CDHR4: variants seen among roughly 807,000 people sequenced by gnomAD.
The protein encoded by CDHR4 is cadherin related family member 4, also known as cadherin-related family member 4.
In CDHR4, 89 loss-of-function variants were observed where a neutral mutation model predicts 88.4. The ratio of observed to expected loss-of-function variants is 1.01; its 90% CI spans 0.85 to 1.20. CDHR4 has a LOEUF of 1.20. Among genes scored for constraint, CDHR4 ranks in the 50% most tolerant of loss-of-function variants. The probability of loss-of-function intolerance (pLI) is 0.00; values close to 1 mark genes in which losing one functional copy is unlikely to be tolerated. For missense variants in CDHR4, 914 were observed against 1,007.2 expected (o/e 0.91, Z 1.25); for synonymous variants, 368 against 399.2 (o/e 0.92, Z 0.93).
intron 10 of CDHR4, among the ~76,000 whole-genome samples, chr3:49,794,323 G>A (rs1048840227): frequency 1.4e-4 from 22 of 152,038 alleles, no homozygotes; most frequent in African/African-American, 3.4e-4. Context: ...GCGTGAACCC[G>A]GGAGGCAGAG....
At chr3:49,791,663 T>TAC (rs2081181751) in intron 17 of CDHR4, 51 bp downstream of exon 17, 5 of 1,540,034 alleles carry the variant, frequency 3.2e-6, no homozygotes, top group Non-Finnish European at 4.4e-6. Context: ...GGCAGGGGAG[T>TAC]ACTCTGAAGC....
At chr3:49,802,655 A>G (rs1444605204), upstream of CDHR4, among the ~76,000 whole-genome samples, 4 of 152,200 alleles carry the variant, frequency 2.6e-5, no homozygotes, top group African/African-American at 9.6e-5. Flanking sequence ...ACCGACCCTC[A>G]GTCTGCACCT....
chr3:49,796,937 T>C lies in CDHR4; in HGVS notation c.591A>G (p.Leu197=). The C allele has an allele frequency of 6.4e-7, 1 of 1,551,516 alleles. No homozygotes were observed. ...TCATGCTCACCTTTTGAGCCTGGCC[T>C]AGGAGGCCCTGGGATGGTGCCTGCA... ...GWLQAPSQGL[L]GQAQKVFQLQ... The change falls in exon 5 of 19, where the codon CTA becomes CTG. Residue 197 remains leucine, a synonymous_variant. Transcript: ENST00000412678.
Position 49,795,078 on chromosome 3 carries a change from G to A in CDHR4, c.1054C>T (p.Pro352Ser). ...LLVSQIPETA[P>S]VGTVLNTLTC... ...AGAGTATTCAGCACGGTGCCCACGG[G>A]TGCAGTCTCCGGGATTTGGGACCTG... The change falls in exon 9 of 19, where the codon CCC (proline) becomes TCC (serine). Residue 352 changes from proline (P) to serine (S), a missense_variant. By Grantham distance (74) the Pro-to-Ser change is moderately conservative. Coordinates refer to ENST00000412678, the MANE Select transcript of CDHR4 (RefSeq NM_001007540.4). The surrounding 1 kb of genome is among the most constrained non-coding windows in gnomAD (Gnocchi z 5.4). 1 of 1,551,702 alleles carries A rather than the reference G, an allele frequency of 6.4e-7. No homozygotes were observed. The highest frequency in any genetic ancestry group is 1.2e-5 in the South Asian group (1 of 84,058).
Position 49,793,228 on chromosome 3 carries a change from C to G in CDHR4, c.1707G>C (p.Val569=). 3 of 1,551,658 alleles carry G rather than the reference C, an allele frequency of 1.9e-6. No individual in the cohort carries two copies. Residue 569 remains valine (V), a synonymous_variant, in exon 13 of 19, where the codon GTG becomes GTC. Coordinates refer to ENST00000412678, the MANE Select transcript of CDHR4 (RefSeq NM_001007540.4). ...IYAPLGRSVE[V]TKMSCQIPQE... ...GAGGGATCTGGCATGACATCTTGGT[C>G]ACCTCCACGCTACGGCCCAGAGGAG...
chr3:49,795,670 T>C lies in CDHR4; in HGVS notation c.805A>G (p.Ile269Val). Residue 269 changes from isoleucine to valine, a missense_variant, in exon 7 of 19, where the codon ATC becomes GTC. Physicochemically the swap from Ile to Val is conservative, Grantham distance 29. Coordinates refer to ENST00000412678, the MANE Select transcript of CDHR4 (RefSeq NM_001007540.4). The surrounding 1 kb of genome is among the most constrained non-coding windows in gnomAD (Gnocchi z 5.4). ...QARGVDLRYEILSPVPSPLFS... is the reference protein window; with the variant it reads ...QARGVDLRYEVLSPVPSPLFS... ...AGTGGGCTGGGCACCGGAGACAGGA[T>C]TTCATAGCGCAGGTCGACACCCCGG... 6.4e-7 allele frequency: 1 copy of C among 1,551,432 alleles called. No homozygotes were observed. Among genetic ancestry groups the C allele is most frequent in the Non-Finnish European group, 8.7e-7 (1 of 1,146,926 alleles).
chr3:49,793,958 G>A lies in CDHR4; in HGVS notation c.1328C>T (p.Pro443Leu). 5.2e-6 allele frequency: 8 copies of A among 1,551,774 alleles called. No individual in the cohort carries two copies. The highest frequency in any genetic ancestry group is 2.4e-5 in the South Asian group (2 of 84,066). Residue 443 changes from proline (P) to leucine (L), a missense_variant, in exon 11 of 19, where the codon CCA becomes CTA. By Grantham distance (98) the Pro-to-Leu change is moderately conservative (BLOSUM62 -3). Transcript: ENST00000412678. The stretch of plus-strand genomic sequence containing the variant: ...CCGGAACGTGCGAGGGGCACAGGCT[G>A]GGGAGAACTCGTTGATGGGTGTCAC... ...VMVTPINEFS[P>L]ACAPRTFRVQ...
intron 18 of CDHR4, 38 bp downstream of exon 18, chr3:49,791,403 G>T: frequency 4.6e-6 from 7 of 1,532,732 alleles, no homozygotes; most frequent in Non-Finnish European, 6.1e-6. Flanking sequence ...TGGGGTGAGG[G>T]CCCAGGCAGA....
chr3:49,791,478 GAAAA>G lies in CDHR4; in HGVS notation c.2284-14_2284-11del. On this transcript the variant is annotated splice_polypyrimidine_tract_variant and intron_variant, in intron 17 of 18. Coordinates refer to ENST00000412678, the MANE Select transcript of CDHR4 (RefSeq NM_001007540.4). Reference sequence around the variant, plus strand: ...CTCTGCCATCAAAATGCTGCTGAGGGAAAAAAAAAAAAGATGCAATGAATTGAAC... The same window carrying G: ...CTCTGCCATCAAAATGCTGCTGAGGGAAAAAAAAGATGCAATGAATTGAAC... 4 of 1,322,836 alleles carry G rather than the reference GAAAA, an allele frequency of 3.0e-6. No homozygotes were observed. The highest frequency in any genetic ancestry group is 4.1e-6 in the Non-Finnish European group (4 of 965,362). The allele number at this position is 1,322,836 out of a possible 1,614,324, so 81.9% of individuals were successfully genotyped here.
intron 5 of CDHR4, 105 bp downstream of exon 5, chr3:49,796,817 T>G: frequency 1.2e-6 from 1 of 805,882 alleles, no homozygotes. Context: ...TCTGAGAGAG[T>G]CAGTATTAGT....
chr3:49,793,736 C>G lies in CDHR4; in HGVS notation c.1484-14G>C, dbSNP rs767187095. Reference sequence around the variant, plus strand: ...GGTGAACTTCCCCTAGAGGGGGAGACCACAGCTTCAGCCTGCAGGGCCAAC... The same window carrying G: ...GGTGAACTTCCCCTAGAGGGGGAGAGCACAGCTTCAGCCTGCAGGGCCAAC... On this transcript the variant is annotated splice_polypyrimidine_tract_variant and intron_variant, in intron 11 of 18. Transcript: ENST00000412678. The G allele has an allele frequency of 6.4e-6, 10 of 1,551,648 alleles. No homozygotes were observed. In the South Asian group the frequency reaches 1.1e-4, roughly 17 times the overall value.
chr3:49,799,402 C>G lies in CDHR4; in HGVS notation c.85G>C (p.Glu29Gln). The G allele has an allele frequency of 6.2e-7, 1 of 1,607,908 alleles. No individual in the cohort carries two copies. Among genetic ancestry groups the G allele is most frequent in the South Asian group, 1.1e-5 (1 of 90,028 alleles). ...AGGACTGTGCCAGGGCCCTGGCTCT[C>G]AGAGACATTTATAAAGCAGGGCAGG... ...CSLPCFINVS[E>Q]SQGPGTVLQF... is the part of the protein sequence containing the mutation. Residue 29 changes from glutamate (E) to glutamine (Q), a missense_variant, in exon 2 of 19, where the codon GAG becomes CAG. Physicochemically the swap from Glu to Gln is conservative, Grantham distance 29. Coordinates refer to ENST00000412678, the MANE Select transcript of CDHR4 (RefSeq NM_001007540.4).
intron 3 of CDHR4, 27 bp from the exon 4 acceptor site, chr3:49,798,944 T>A (rs1222160765): frequency 1.2e-6 from 2 of 1,611,772 alleles, no homozygotes; most frequent in South Asian, 2.2e-5. Flanking sequence ...TCAGGGAGGA[T>A]CTGCTCAGGC....
At chr3:49,792,753 T>A in intron 14 of CDHR4, 101 bp downstream of exon 14, 1 of 1,455,704 alleles carries the variant, frequency 6.9e-7, no homozygotes, top group South Asian at 1.4e-5. Flanking sequence ...TGCGCTTCCC[T>A]CTGAACTGCC....
chr3:49,792,771 T>G, intron 14 of CDHR4, 83 bp downstream of exon 14: 1 of 1,457,412 alleles, frequency 6.9e-7, no homozygotes. Flanking sequence ...GCCTTCCCCA[T>G]AGTTCCACCT....
chr3:49,792,589 TG>T lies in CDHR4; in HGVS notation c.2016del (p.Met673CysfsTer3). 1 of 1,551,692 alleles carries T rather than the reference TG, an allele frequency of 6.4e-7. No individual in the cohort carries two copies. The highest frequency in any genetic ancestry group is 8.7e-7 in the Non-Finnish European group (1 of 1,146,986). ...HRTTVPSTMT[P>X]MLVTDTEAFW... ...AAAGCCTCTGTGTCTGTCACGAGCATGGGTGTCATCGTTGAGGGCACCTGAA... is the reference window on the plus strand; with the variant it reads ...AAAGCCTCTGTGTCTGTCACGAGCATGGTGTCATCGTTGAGGGCACCTGAA... On this transcript the variant is annotated frameshift_variant, in exon 15 of 19. Transcript: ENST00000412678. LOFTEE classifies it high-confidence loss of function.
chr3:49,799,721 C>T, intron 1 of CDHR4, 43 bp downstream of exon 1: 1 of 1,606,322 alleles, frequency 6.2e-7, no homozygotes, highest in Non-Finnish European at 8.5e-7. Flanking sequence ...AGGGTCAGGA[C>T]TCCAAGGGAA....
chr3:49,795,377 C>T lies in CDHR4; in HGVS notation c.850G>A (p.Asp284Asn). ...PSPLFSIGRA[D>N]GVVRTTTPLE... is the part of the protein sequence containing the mutation. ...GGCGTGGTGGTCCGGACCACACCGT[C>T]TGCTGCATGGGGTGAGAGAACACAG... The change falls in exon 8 of 19, where the codon GAC becomes AAC. Residue 284 changes from aspartate to asparagine, a missense_variant and splice_region_variant. By Grantham distance (23) the Asp-to-Asn change is conservative (BLOSUM62 1). Coordinates refer to ENST00000412678, the MANE Select transcript of CDHR4 (RefSeq NM_001007540.4). The surrounding 1 kb of genome is among the most constrained non-coding windows in gnomAD (Gnocchi z 5.4). 1 of 1,550,170 alleles carries T rather than the reference C, an allele frequency of 6.5e-7. No individual in the cohort carries two copies. The highest frequency in any genetic ancestry group is 8.7e-7 in the Non-Finnish European group (1 of 1,146,918).
chr3:49,795,563 G>C lies in CDHR4; in HGVS notation c.847+65C>G. 2 of 1,539,902 alleles carry C rather than the reference G, an allele frequency of 1.3e-6. No individual in the cohort carries two copies. The highest frequency in any genetic ancestry group is 1.8e-6 in the Non-Finnish European group (2 of 1,139,248). On this transcript the variant is annotated intron_variant, in intron 7 of 18. Transcript: ENST00000412678. This position sits in a 1 kb window ranked among gnomAD's most constrained non-coding sequence, Gnocchi z 5.4. ...AAACAGGAAGGTGAAGAGGTACTAT[G>C]GGTCACCTCTGGACCAGCCACAGAG...
Sources: gnomAD v4.1 joint callset for allele counts (sites outside exome capture counted in the v4.1 genomes callset) on GRCh38, gnomAD v4.1.1 for gene constraint, Gnocchi (gnomAD v3.1) non-coding constraint, MANE v1.5 for transcripts, NCBI Gene and HGNC (gene_info 2026-07-23, HGNC 2026-07-21) for gene names.